The following ADGRG6 variants were observed in gnomAD, a reference collection of about 807,000 sequenced individuals.
ADGRG6 encodes the protein adhesion G protein-coupled receptor G6.
A neutral mutation model predicts 142.4 loss-of-function variants in ADGRG6; 84 were observed. The ratio of observed to expected loss-of-function variants is 0.59; its 90% CI spans 0.49 to 0.71. The LOEUF (loss-of-function observed/expected upper bound fraction) is 0.71, where lower values mean the gene tolerates loss of function less well. Ranked by LOEUF, ADGRG6 falls within the 30% of genes least tolerant of loss-of-function variation. ADGRG6 has a pLI of 0.00. For missense variants in ADGRG6, 1,367 were observed against 1,466.6 expected, an observed-to-expected ratio of 0.93 and a Z score of 1.11; for synonymous variants, 521 against 520.5, an observed-to-expected ratio of 1.00 and a Z score of -0.01.
intron 4 of ADGRG6, among the ~76,000 whole-genome samples, chr6:142,379,247 CCT>C (rs1197582341): frequency 2.0e-5 from 3 of 151,844 alleles, no homozygotes; most frequent in Non-Finnish European, 2.9e-5. Context: ...TTCCTTTTTT[CCT>C]CTGTCTTTAA....
chr6:142,382,524 A>G (rs1781819587), intron 5 of ADGRG6, among the ~76,000 whole-genome samples: 3 of 152,228 alleles, frequency 2.0e-5, no homozygotes. Context: ...TAACTGTGTT[A>G]ATTATTACGA....
At chr6:142,424,687 A>C (rs1776851783) in intron 22 of ADGRG6, among the ~76,000 whole-genome samples, 1 of 151,924 alleles carries the variant, frequency 6.6e-6, no homozygotes, top group Non-Finnish European at 1.5e-5. Flanking sequence ...TGGCCTCATA[A>C]AATGAGTTAG....
chr6:142,424,942 G>A (rs940936793), intron 22 of ADGRG6, among the ~76,000 whole-genome samples: 14 of 152,142 alleles, frequency 9.2e-5, no homozygotes, highest in Non-Finnish European at 2.1e-4. Flanking sequence ...TGAAAGATGG[G>A]AGTAAGAGTA....
intron 2 of ADGRG6, among the ~76,000 whole-genome samples, chr6:142,364,597 C>T (rs1000030051): frequency 6.6e-6 from 1 of 152,198 alleles, no homozygotes; most frequent in Non-Finnish European, 1.5e-5. Flanking sequence ...GTTATCCTCC[C>T]AATAACTCTG....
Position 142,443,699 on chromosome 6 carries a change from G to C in ADGRG6, c.*184G>C. The C allele has an allele frequency of 2.1e-6, 1 of 483,974 alleles. No individual in the cohort carries two copies. Among genetic ancestry groups the C allele is most frequent in the Non-Finnish European group, 3.6e-6 (1 of 275,738 alleles). 30.0% of individuals were successfully genotyped at this position (483,974 alleles called of 1,614,324 possible). ...TTTAATATATTTCTTCCATGGAAGA[G>C]TTGTCATCACTAAAACTTCAGTACT... is the stretch of plus-strand genomic sequence containing the variant. On this transcript the variant is annotated 3_prime_UTR_variant, in exon 25 of 25. Coordinates refer to ENST00000367609, the MANE Select transcript of ADGRG6 (RefSeq NM_198569.3).
Position 142,302,243 on chromosome 6 carries a change from C to G in ADGRG6, c.-87C>G. ...GCGCAGGGCTGGGGCGCCTGGGTTC[C>G]CCCTGGGTGGAGCAGCGGCAGCAGA... On this transcript the variant is annotated 5_prime_UTR_variant, in exon 1 of 25. Transcript: ENST00000367609. 6.5e-7 allele frequency: 1 copy of G among 1,531,028 alleles called. No individual in the cohort carries two copies. Among genetic ancestry groups the G allele is most frequent in the East Asian group, 2.3e-5 (1 of 43,812 alleles). The allele number at this position is 1,531,028 out of a possible 1,614,324, so 94.8% of individuals were successfully genotyped here. A position where few individuals can be genotyped will look rare whatever the true frequency, so the allele number is the denominator to read the frequency against.
intron 7 of ADGRG6, among the ~76,000 whole-genome samples, chr6:142,391,858 G>C (rs1774915728): frequency 6.6e-6 from 1 of 151,720 alleles, no homozygotes; most frequent in African/African-American, 2.4e-5. Context: ...GCTACTGTTA[G>C]CTTATTTGTG....
chr6:142,412,878 CAA>C (rs932797552), intron 18 of ADGRG6, among the ~76,000 whole-genome samples: 1 of 152,082 alleles, frequency 6.6e-6, no homozygotes, highest in Non-Finnish European at 1.5e-5. Context: ...ATAACAGTAA[CAA>C]AATTTACTCT....
intron 2 of ADGRG6, among the ~76,000 whole-genome samples, chr6:142,366,647 C>G (rs117321815): frequency 1.3e-5 from 2 of 151,350 alleles, no homozygotes; most frequent in Non-Finnish European, 2.9e-5. Flanking sequence ...CCTAGCTACT[C>G]GGGAGGCTGA....
At chr6:142,318,787 T>C (rs1306013965) in intron 2 of ADGRG6, among the ~76,000 whole-genome samples, 1 of 152,004 alleles carries the variant, frequency 6.6e-6, no homozygotes, top group African/African-American at 2.4e-5. Flanking sequence ...AGCATGCATA[T>C]TTCTCATTAC....
chr6:142,407,682 G>A (rs905615701), intron 15 of ADGRG6, among the ~76,000 whole-genome samples: 4 of 152,260 alleles, frequency 2.6e-5, no homozygotes, highest in African/African-American at 9.6e-5. Flanking sequence ...TTACTTTTAG[G>A]TATAAGTTAG....
Position 142,409,862 on chromosome 6 carries a change from A to T in ADGRG6, c.2389-12A>T. ...AACACAATTTCACATGTTTATTCTT[A>T]TGTTAATATAGGAAGTGCATCATCC... On this transcript the variant is annotated splice_polypyrimidine_tract_variant and intron_variant, in intron 16 of 24. Transcript: ENST00000367609. 7.5e-7 allele frequency: 1 copy of T among 1,330,232 alleles called. No individual in the cohort carries two copies. Among genetic ancestry groups the T allele is most frequent in the African/African-American group, 1.5e-5 (1 of 68,464 alleles). The allele number at this position is 1,330,232 out of a possible 1,614,324, so 82.4% of individuals were successfully genotyped here. A position where few individuals can be genotyped will look rare whatever the true frequency, so the allele number is the denominator to read the frequency against.
rs1227708582 is a variant in ADGRG6 at position 142,313,920 on chromosome 6, A to G, written c.103+4276A>G. Among the ~76,000 whole-genome samples, 5 of 152,292 alleles carry G rather than the reference A, an allele frequency of 3.3e-5. No homozygotes were observed. The South Asian group carries it at 1.0e-3, about 32-fold the overall frequency. Reference sequence around the variant, plus strand: ...AATTCAGTATTGTGTATTGAAAATTACTAAGTGTGTCTTAAAGGTCAAAAA... The same window carrying G: ...AATTCAGTATTGTGTATTGAAAATTGCTAAGTGTGTCTTAAAGGTCAAAAA... On this transcript the variant is annotated intron_variant, in intron 2 of 24. Coordinates refer to ENST00000367609, the MANE Select transcript of ADGRG6 (RefSeq NM_198569.3).
chr6:142,346,114 A>C (rs762597205), intron 2 of ADGRG6, among the ~76,000 whole-genome samples: 15 of 152,082 alleles, frequency 9.9e-5, no homozygotes, highest in Non-Finnish European at 1.8e-4. Context: ...CCTTCCTGAG[A>C]CACCTTACTA....
At chr6:142,311,377 A>G (rs368340939) in intron 2 of ADGRG6, among the ~76,000 whole-genome samples, 19 of 152,010 alleles carry the variant, frequency 1.2e-4, no homozygotes, top group African/African-American at 4.6e-4. Context: ...CACTCTAATA[A>G]TGACTCATTT....
intron 2 of ADGRG6, among the ~76,000 whole-genome samples, chr6:142,361,109 T>C (rs942808710): frequency 2.6e-5 from 4 of 152,158 alleles, no homozygotes; most frequent in East Asian, 1.9e-4. Flanking sequence ...AGCATTTGGT[T>C]GATTGGCAAA....
Position 142,411,307 on chromosome 6 carries a change from A to T in ADGRG6, c.2437A>T (p.Ser813Cys). 3 of 1,566,848 alleles carry T rather than the reference A, an allele frequency of 1.9e-6. No individual in the cohort carries two copies. Among genetic ancestry groups the T allele is most frequent in the Non-Finnish European group, 2.6e-6 (3 of 1,137,298 alleles). Reference protein sequence around the residue: ...CAFWDLNKNKSFGGWNTSGCV... With the variant: ...CAFWDLNKNKCFGGWNTSGCV... ...CTGTTTGTTGATTCCTTCAACAGAA[A>T]GTTTTGGAGGATGGAACACGTCAGG... The change falls in exon 18 of 25, where the codon AGT becomes TGT. Residue 813 changes from serine (S) to cysteine (C), a missense_variant and splice_region_variant. Ser to Cys is a moderately radical substitution (Grantham distance 112). This residue lies in a region of ADGRG6 where 286 missense variants were observed against 371.4 expected (regional missense o/e 0.77). Transcript: ENST00000367609.
chr6:142,374,455 C>T (rs112936597), intron 4 of ADGRG6, among the ~76,000 whole-genome samples: 2 of 152,196 alleles, frequency 1.3e-5, no homozygotes, highest in Admixed American at 6.5e-5. Context: ...AAACAGAATA[C>T]ACTAGGCTAC....
At chr6:142,304,310 A>G (rs577266715) in intron 1 of ADGRG6, among the ~76,000 whole-genome samples, 11 of 152,290 alleles carry the variant, frequency 7.2e-5, no homozygotes, top group Admixed American at 2.6e-4. Context: ...AGGTTCTTTA[A>G]TTATAGACTT....
Sources: gnomAD v4.1 joint callset for allele counts (sites outside exome capture counted in the v4.1 genomes callset) on GRCh38, gnomAD v4.1.1 for gene constraint, gnomAD v4.1.1 regional missense constraint, MANE v1.5 for transcripts, NCBI Gene and HGNC (gene_info 2026-07-23, HGNC 2026-07-21) for gene names.